The following SLC38A9 variants were observed in gnomAD, a reference collection of about 807,000 sequenced individuals.
SLC38A9 encodes the protein neutral amino acid transporter 9.
A neutral mutation model predicts 62.3 loss-of-function variants in SLC38A9; 48 were observed. The ratio of observed to expected loss-of-function variants is 0.77; its 90% CI spans 0.61 to 0.98. The LOEUF (loss-of-function observed/expected upper bound fraction) is 0.98. Among genes scored for constraint, SLC38A9 ranks in the 50% least tolerant of loss-of-function variants. The pLI is 0.00. For synonymous variants in SLC38A9, 204 were observed against 227.7 expected (o/e 0.90, Z 0.94); for missense variants, 541 against 679.8 (o/e 0.80, Z 2.27).
At chr5:55,647,842 G>A (rs991785403) in intron 11 of SLC38A9, among the ~76,000 whole-genome samples, 10 of 152,194 alleles carry the variant, frequency 6.6e-5, no homozygotes, top group African/African-American at 2.4e-4. Context: ...TACTTGAAGT[G>A]TACAACTAGT....
At chr5:55,640,607 A>T (rs1205597281) in intron 12 of SLC38A9, among the ~76,000 whole-genome samples, 1 of 152,184 alleles carries the variant, frequency 6.6e-6, no homozygotes, top group Non-Finnish European at 1.5e-5. Flanking sequence ...TTTCCAGAAA[A>T]GCAATTCAAC....
intron 9 of SLC38A9, among the ~76,000 whole-genome samples, chr5:55,655,613 C>T (rs1748267369): frequency 1.3e-5 from 2 of 152,162 alleles, no homozygotes; most frequent in African/African-American, 4.8e-5. Context: ...AAAAGTAAGA[C>T]ACTGAGTAGC....
At chr5:55,681,725 C>T (rs1284858825) in intron 3 of SLC38A9, among the ~76,000 whole-genome samples, 2 of 152,174 alleles carry the variant, frequency 1.3e-5, no homozygotes, top group African/African-American at 2.4e-5. Context: ...GGTGTCACAG[C>T]AGTACGAAGT....
intron 14 of SLC38A9, among the ~76,000 whole-genome samples, chr5:55,629,658 C>T (rs1205669681): frequency 6.6e-6 from 1 of 152,120 alleles, no homozygotes; most frequent in African/African-American, 2.4e-5. Flanking sequence ...AAACTATGGT[C>T]ATTCAAACTC....
chr5:55,704,849 G>A (rs1757088956), intron 2 of SLC38A9, among the ~76,000 whole-genome samples: 1 of 152,152 alleles, frequency 6.6e-6, no homozygotes, highest in African/African-American at 2.4e-5. Context: ...TATTAACTGT[G>A]CAACTTTGGG....
At chr5:55,708,869 A>C (rs1362496536) in intron 2 of SLC38A9, among the ~76,000 whole-genome samples, 3 of 152,218 alleles carry the variant, frequency 2.0e-5, no homozygotes, top group African/African-American at 4.8e-5. Flanking sequence ...AACTTTATGA[A>C]AAAAATATAT....
chr5:55,650,822 G>A (rs908727796), intron 10 of SLC38A9, among the ~76,000 whole-genome samples: 1 of 152,090 alleles, frequency 6.6e-6, no homozygotes, highest in Non-Finnish European at 1.5e-5. Context: ...CAGAGTTTTC[G>A]CTCTTGTTGC....
rs766196702 is a variant in SLC38A9, at chr5:55,664,847, A to G, written c.543T>C (p.Thr181=). ...TGCAGACATCTGGATATTCCCAGCT[A>G]GTGGTATCCAACGAAACTAGATAAA... The part of the protein sequence containing the change: ...SRTMMFSLDT[T]SWEYPDVCRH... The change falls in exon 8 of 16, where the codon ACT becomes ACC. Residue 181 remains threonine, a synonymous_variant. Transcript: ENST00000396865. 6.5e-7 allele frequency: 1 copy of G among 1,542,586 alleles called. No homozygotes were observed. Among genetic ancestry groups the G allele is most frequent in the East Asian group, 2.4e-5 (1 of 41,876 alleles).
At chr5:55,639,983 CT>C (rs36073153) in intron 12 of SLC38A9, among the ~76,000 whole-genome samples, 1,270 of 98,430 alleles carry the variant, frequency 0.013, 2 homozygotes, top group African/African-American at 0.045. Flanking sequence ...TAAACCTTTG[CT>C]TTTTTTTTTT....
At chr5:55,634,062 G>A in intron 13 of SLC38A9, 160 bp from the exon 14 acceptor site, 1 of 515,150 alleles carries the variant, frequency 1.9e-6, no homozygotes, top group Non-Finnish European at 3.4e-6. Context: ...TTTTTTCAAT[G>A]AGGTAAGTAT....
intron 3 of SLC38A9, among the ~76,000 whole-genome samples, chr5:55,673,125 T>C (rs113263668): frequency 1.3e-5 from 2 of 152,332 alleles, no homozygotes; most frequent in African/African-American, 4.8e-5. Context: ...TCCTTCCTTA[T>C]GGGCCCAAGT....
intron 11 of SLC38A9, 127 bp downstream of exon 11, chr5:55,649,080 G>T: frequency 2.0e-6 from 1 of 506,516 alleles, no homozygotes; most frequent in Non-Finnish European, 3.4e-6. Context: ...CTGTAGTCCT[G>T]TTTTTAACTT....
intron 12 of SLC38A9, 62 bp downstream of exon 12, chr5:55,645,727 T>C: frequency 3.5e-6 from 4 of 1,146,078 alleles, no homozygotes; most frequent in Non-Finnish European, 3.8e-6. Context: ...GTGCCTCAAA[T>C]ACTGACTTAA....
At chr5:55,660,967 A>AT (rs1749416855) in intron 8 of SLC38A9, among the ~76,000 whole-genome samples, 3 of 84,294 alleles carry the variant, frequency 3.6e-5, no homozygotes, top group East Asian at 2.6e-4. Flanking sequence ...TGTGTTTGAG[A>AT]TTTTTTATAA....
At chr5:55,648,815 C>G (rs1746856955) in intron 11 of SLC38A9, among the ~76,000 whole-genome samples, 2 of 152,164 alleles carry the variant, frequency 1.3e-5, no homozygotes, top group South Asian at 4.1e-4. Context: ...GAGCACTACA[C>G]ATTGCATAGA....
At chr5:55,671,881 A>G (rs1423744354) in intron 4 of SLC38A9, among the ~76,000 whole-genome samples, 1 of 151,986 alleles carries the variant, frequency 6.6e-6, no homozygotes, top group Non-Finnish European at 1.5e-5. Flanking sequence ...TCTTTTGCTC[A>G]GTCTGGGTGG....
At chr5:55,635,050 T>C (rs1744117923) in intron 13 of SLC38A9, 2 of 153,088 alleles carry the variant, frequency 1.3e-5, no homozygotes, top group South Asian at 2.1e-4. Flanking sequence ...ATACTCTTTT[T>C]TTGTTTTGCT....
intron 9 of SLC38A9, among the ~76,000 whole-genome samples, chr5:55,655,043 T>C (rs1222869711): frequency 1.3e-5 from 2 of 152,148 alleles, no homozygotes; most frequent in Non-Finnish European, 2.9e-5. Flanking sequence ...TCTTGCTATG[T>C]TGCCCAGGCT....
intron 3 of SLC38A9, among the ~76,000 whole-genome samples, chr5:55,678,662 T>TG (rs1561397977): frequency 2.9e-5 from 4 of 139,222 alleles, no homozygotes; most frequent in South Asian, 2.4e-4. Flanking sequence ...TTTTTTTTTT[T>TG]TTTTTTTTTT....
Sources: gnomAD v4.1 joint callset for allele counts (sites outside exome capture counted in the v4.1 genomes callset) on GRCh38, gnomAD v4.1.1 for gene constraint, MANE v1.5 for transcripts, NCBI Gene and HGNC (gene_info 2026-07-23, HGNC 2026-07-21) for gene names.